Variants in MYBPC2 observed in about 807,000 individuals in gnomAD.
MYBPC2 encodes the protein myosin-binding protein C, fast-type.
Under a neutral mutation model 137.0 loss-of-function variants are expected in MYBPC2, and 122 were observed. The observed-to-expected ratio is 0.89, with a 90% CI of 0.77 to 1.03. The LOEUF (loss-of-function observed/expected upper bound fraction) is 1.03, where lower values mean the gene tolerates loss of function less well. MYBPC2 is among the 50% of genes least tolerant of loss of function. MYBPC2 has a pLI of 0.00. For missense variants in MYBPC2, 1,500 were observed against 1,534.4 expected (o/e 0.98, Z 0.37); for synonymous variants, 626 against 612.3 (o/e 1.02, Z -0.33).
chr19:50,433,357 G>T (rs2039674083), intron 1 of MYBPC2, among the ~76,000 whole-genome samples: 1 of 151,930 alleles, frequency 6.6e-6, no homozygotes, highest in Admixed American at 6.6e-5. Context: ...GATGGGGATG[G>T]GGGTCTGTGT....
chr19:50,440,074 T>A (rs1383574485), intron 7 of MYBPC2, among the ~76,000 whole-genome samples: 1 of 151,930 alleles, frequency 6.6e-6, no homozygotes, highest in Non-Finnish European at 1.5e-5. Flanking sequence ...CGGAAGTAGC[T>A]GGGGTGTGAT....
intron 8 of MYBPC2, 31 bp downstream of exon 8, chr19:50,441,107 T>C (rs562498629): frequency 1.4e-4 from 214 of 1,542,038 alleles, no homozygotes; most frequent in Non-Finnish European, 1.7e-4. Flanking sequence ...AGCTGGGCCC[T>C]GCACACAAGG....
intron 26 of MYBPC2, among the ~76,000 whole-genome samples, chr19:50,463,503 C>T (rs1184174527): frequency 6.6e-6 from 1 of 151,772 alleles, no homozygotes; most frequent in Non-Finnish European, 1.5e-5. Flanking sequence ...CTGTTTCGTG[C>T]TCTCATTCAT....
In MYBPC2 at chr19:50,442,161, T is replaced by G. The variant is rs1219529619; in HGVS notation, c.770-20T>G. Reference sequence around the variant, plus strand: ...TGAGGACCACACGCCTCCATCCCCTTTGCATGCCTCAATCTTCAGCATTCA... The same window carrying G: ...TGAGGACCACACGCCTCCATCCCCTGTGCATGCCTCAATCTTCAGCATTCA... On this transcript the variant is annotated intron_variant, in intron 8 of 27. Transcript: ENST00000357701. 3.8e-6 allele frequency: 6 copies of G among 1,576,188 alleles called. No individual in the cohort carries two copies. The highest frequency in any genetic ancestry group is 5.2e-6 in the Non-Finnish European group (6 of 1,161,186).
intron 16 of MYBPC2, among the ~76,000 whole-genome samples, chr19:50,453,260 C>T (rs1264343700): frequency 6.6e-6 from 1 of 151,960 alleles, no homozygotes; most frequent in East Asian, 1.9e-4. Flanking sequence ...TGCTCAGTAG[C>T]CTTTACTCTT....
At position 50,436,365 on chromosome 19, in the gene MYBPC2, C is replaced by T. The variant is rs537477684; in HGVS notation, c.345+205C>T. 5.3e-5 allele frequency among the ~76,000 whole-genome samples: 8 copies of T among 152,200 alleles called. No individual in the cohort carries two copies. In the South Asian group the frequency reaches 1.7e-3, roughly 32 times the overall value. ...GGATGCCTGGGGTTGGGTGGGGATG[C>T]ATTAGGGCTTGGTCATGTACATTCC... On this transcript the variant is annotated intron_variant, in intron 4 of 27. Coordinates refer to ENST00000357701, the MANE Select transcript of MYBPC2 (RefSeq NM_004533.4).
chr19:50,464,516 C>A lies in MYBPC2; in HGVS notation c.3399C>A (p.Cys1133Ter). 1 of 1,609,712 alleles carries A rather than the reference C, an allele frequency of 6.2e-7. No individual in the cohort carries two copies. The highest frequency in any genetic ancestry group is 8.5e-7 in the Non-Finnish European group (1 of 1,178,420). ...VNELGEALAE[C>*]KLEVRVPQ The stretch of plus-strand genomic sequence containing the variant: ...AGCTGGGCGAGGCGCTGGCTGAGTG[C>A]AAGCTGGAGGTCCGAGGTGAGGGCG... Residue 1133 changes from cysteine (C) to a stop codon, truncating the protein, a stop_gained, in exon 27 of 28, where the codon TGC becomes TGA. Transcript: ENST00000357701. LOFTEE classifies it high-confidence loss of function.
chr19:50,451,222 G>C, intron 14 of MYBPC2, 58 bp from the exon 15 acceptor site: 1 of 1,588,398 alleles, frequency 6.3e-7, no homozygotes, highest in East Asian at 2.2e-5. Context: ...GGCTGTGAAG[G>C]TGGGGTGAGG....
chr19:50,444,460 T>C (rs1046691050), intron 11 of MYBPC2, among the ~76,000 whole-genome samples: 2 of 152,222 alleles, frequency 1.3e-5, no homozygotes, highest in Admixed American at 6.6e-5. Context: ...CTCACCTGCA[T>C]ACTTGCCCAC....
chr19:50,451,002 A>T (rs1710628099), intron 14 of MYBPC2, 67 bp downstream of exon 14: 2 of 1,408,410 alleles, frequency 1.4e-6, no homozygotes, highest in South Asian at 2.5e-5. Context: ...AGGGCCCGGG[A>T]TGTCCCTCTC....
In MYBPC2 at chr19:50,455,097, G is replaced by A. The variant is rs778728752; in HGVS notation, c.2015-11G>A. Reference sequence around the variant, plus strand: ...CCGTTCCCTCTTCTCCTCTCTGCTTGGAGCCTCCAGGGTACCTCGTAGAGC... The same window carrying A: ...CCGTTCCCTCTTCTCCTCTCTGCTTAGAGCCTCCAGGGTACCTCGTAGAGC... On this transcript the variant is annotated splice_polypyrimidine_tract_variant and intron_variant, in intron 18 of 27. Coordinates refer to ENST00000357701, the MANE Select transcript of MYBPC2 (RefSeq NM_004533.4). 3 of 1,603,844 alleles carry A rather than the reference G, an allele frequency of 1.9e-6. No individual in the cohort carries two copies. Among genetic ancestry groups the A allele is most frequent in the East Asian group, 2.2e-5 (1 of 44,626 alleles).
At chr19:50,464,167 A>T (rs1196778507) in intron 26 of MYBPC2, 179 bp from the exon 27 acceptor site, 1 of 576,544 alleles carries the variant, frequency 1.7e-6, no homozygotes, top group Admixed American at 3.2e-5. Flanking sequence ...GTGAAGTGGG[A>T]TTATCAACCT....
At position 50,443,573 on chromosome 19, in the gene MYBPC2, G is replaced by A. The variant is rs1321479443; in HGVS notation, c.982G>A (p.Val328Ile). ...CTLADDAAYEVAVKDEKCFTE... is the reference protein window; with the variant it reads ...CTLADDAAYEIAVKDEKCFTE... ...GCTGGCGGATGACGCTGCCTATGAA[G>A]TAGCTGTCAAGGATGAGAAGTGTTT... The change falls in exon 10 of 28, where the codon GTA (valine) becomes ATA (isoleucine). Residue 328 changes from valine (V) to isoleucine (I), a missense_variant. Transcript: ENST00000357701. The A allele has an allele frequency of 6.2e-7, 1 of 1,613,202 alleles. No homozygotes were observed. The highest frequency in any genetic ancestry group is 1.1e-5 in the South Asian group (1 of 90,912).
rs371647573 is a variant in MYBPC2 at position 50,455,235 on chromosome 19, C to T, written c.2142C>T (p.Phe714=). The T allele has an allele frequency of 1.5e-5, 24 of 1,613,766 alleles. No homozygotes were observed. Among genetic ancestry groups the T allele is most frequent in the African/African-American group, 5.3e-5 (4 of 74,890 alleles). ...GCATCCTCTATGAGATGCGTGTCTT[C>T]GCCGTCAATGCTATAGGGGTCTCCC... ...IEGILYEMRV[F]AVNAIGVSQP... is the part of the protein sequence containing the mutation. The change falls in exon 19 of 28, where the codon TTC becomes TTT. Residue 714 remains phenylalanine (F), a synonymous_variant. Coordinates refer to ENST00000357701, the MANE Select transcript of MYBPC2 (RefSeq NM_004533.4).
chr19:50,446,164 C>T, intron 12 of MYBPC2, 112 bp downstream of exon 12: 1 of 1,284,808 alleles, frequency 7.8e-7, no homozygotes, highest in Non-Finnish European at 1.1e-6. Flanking sequence ...CTCTTTCCCA[C>T]ACACCCTATG....
At chr19:50,451,023 G>A (rs2039852001) in intron 14 of MYBPC2, 88 bp downstream of exon 14, 2 of 1,257,962 alleles carry the variant, frequency 1.6e-6, no homozygotes, top group Non-Finnish European at 2.2e-6. Flanking sequence ...CAGGATTAAG[G>A]TTCCCCGAGT....
chr19:50,464,186 A>G (rs542861261), intron 26 of MYBPC2, 160 bp from the exon 27 acceptor site: 21 of 628,118 alleles, frequency 3.3e-5, no homozygotes, highest in South Asian at 1.8e-4. Flanking sequence ...CTGCTTTTAC[A>G]TAAGAGGAGA....
intron 26 of MYBPC2, 73 bp from the exon 27 acceptor site, chr19:50,464,273 C>T: frequency 1.4e-6 from 2 of 1,408,292 alleles, no homozygotes. Context: ...AGATCGGCTT[C>T]CTGAGCCCCA....
intron 26 of MYBPC2, among the ~76,000 whole-genome samples, chr19:50,462,476 G>A (rs1437081950): frequency 6.7e-6 from 1 of 149,750 alleles, no homozygotes; most frequent in Admixed American, 6.6e-5. Context: ...GAGCCACCAC[G>A]CCCAGACTGG....
Sources: allele counts gnomAD v4.1 joint callset (sites outside exome capture counted in the v4.1 genomes callset), GRCh38; gene constraint gnomAD v4.1.1; transcripts MANE v1.5; gene names NCBI Gene and HGNC (gene_info 2026-07-23, HGNC 2026-07-21).